The following ECSIT variants were observed in gnomAD, a reference collection of about 807,000 sequenced individuals.
The protein encoded by ECSIT is ECSIT signaling integrator.
A neutral mutation model predicts 36.8 loss-of-function variants in ECSIT; 29 were observed. That is an observed-to-expected ratio of 0.79 (90% CI 0.59 to 1.08). The LOEUF (loss-of-function observed/expected upper bound fraction) is 1.08. Ranked by LOEUF, ECSIT falls within the 50% of genes least tolerant of loss-of-function variation. The pLI, the probability that ECSIT is intolerant of heterozygous loss-of-function variation, is 0.00. For missense variants in ECSIT, 542 were observed against 581.0 expected (o/e 0.93, Z 0.69); for synonymous variants, 231 against 234.8 (o/e 0.98, Z 0.15).
intron 1 of ECSIT, among the ~76,000 whole-genome samples, chr19:11,526,291 A>G (rs1445682331): frequency 1.3e-5 from 2 of 152,124 alleles, no homozygotes; most frequent in African/African-American, 4.8e-5. Flanking sequence ...AGTCCCTGGT[A>G]TCTCCTGTGA....
chr19:11,522,346 A>G, intron 1 of ECSIT: 1 of 765,150 alleles, frequency 1.3e-6, no homozygotes, highest in South Asian at 1.4e-5. Flanking sequence ...CATCCAGATC[A>G]TGAAGATGGA....
rs1042304834 is a variant in ECSIT at position 11,515,362 on chromosome 19, C to CA, written c.97-1142dup. 9.0e-4 allele frequency among the ~76,000 whole-genome samples: 137 copies of CA among 152,130 alleles called. 1 individual carries two copies. The highest frequency in any genetic ancestry group is 2.6e-3 in the African/African-American group (106 of 41,516). ...TCGTGATCCGCCCGCCTTGGCCTCC[C>CA]AAGTGCTGGGATTACAGGCATGAGC... On this transcript the variant is annotated intron_variant, in intron 2 of 7. Coordinates refer to ENST00000270517, the MANE Select transcript of ECSIT (RefSeq NM_016581.5).
At chr19:11,521,985 A>G (rs1972114101) in intron 1 of ECSIT, 1 of 197,948 alleles carries the variant, frequency 5.1e-6, no homozygotes, top group Non-Finnish European at 1.0e-5. Context: ...CCTCGGGCAC[A>G]CTACAAGAGT....
At chr19:11,517,980 C>T (rs1203500916) in intron 2 of ECSIT, among the ~76,000 whole-genome samples, 1 of 152,000 alleles carries the variant, frequency 6.6e-6, no homozygotes, top group African/African-American at 2.4e-5. Context: ...ATCCCCTCAC[C>T]CACGTAGGCA....
At chr19:11,524,034 CACT>C (rs997553506) in intron 1 of ECSIT, among the ~76,000 whole-genome samples, 3 of 152,050 alleles carry the variant, frequency 2.0e-5, no homozygotes, top group Non-Finnish European at 4.4e-5. Flanking sequence ...ATCCTCCCAC[CACT>C]GCCTCCTGAG....
intron 1 of ECSIT, chr19:11,521,852 C>T (rs917725968): frequency 6.4e-6 from 1 of 156,310 alleles, no homozygotes; most frequent in Non-Finnish European, 1.4e-5. Flanking sequence ...AGGATAATCA[C>T]TTGAGGTCAA....
At chr19:11,522,717 A>T (rs951727941) in intron 1 of ECSIT, among the ~76,000 whole-genome samples, 1 of 150,346 alleles carries the variant, frequency 6.7e-6, no homozygotes, top group Non-Finnish European at 1.5e-5. Flanking sequence ...TGTCTCAAAA[A>T]AATTAATTAA....
At chr19:11,517,245 C>T (rs1387679460) in intron 2 of ECSIT, among the ~76,000 whole-genome samples, 2 of 150,936 alleles carry the variant, frequency 1.3e-5, no homozygotes, top group African/African-American at 4.9e-5. Context: ...GCGGTCCCCA[C>T]AGCCATCCCA....
At position 11,507,566 on chromosome 19, in the gene ECSIT, C is replaced by T. The variant is rs1011868049; in HGVS notation, c.946-4G>A. On this transcript the variant is annotated splice_polypyrimidine_tract_variant and splice_region_variant and intron_variant, in intron 6 of 7. Coordinates refer to ENST00000270517, the MANE Select transcript of ECSIT (RefSeq NM_016581.5). The stretch of plus-strand genomic sequence containing the variant: ...CCTCCGGCGTCTCTTCCACTTCCTA[C>T]TCCAAGGTGGGGAGTGCAGGCGGGG... 1 of 1,614,046 alleles carries T rather than the reference C, an allele frequency of 6.2e-7. No homozygotes were observed.
chr19:11,522,578 GT>G (rs1359739148), intron 1 of ECSIT: 1 of 631,710 alleles, frequency 1.6e-6, no homozygotes, highest in Non-Finnish European at 2.8e-6. Flanking sequence ...GCCAGTCATG[GT>G]GGTACATGCC....
intron 2 of ECSIT, among the ~76,000 whole-genome samples, chr19:11,516,650 C>T (rs1972003634): frequency 6.6e-6 from 1 of 150,866 alleles, no homozygotes; most frequent in Non-Finnish European, 1.5e-5. Context: ...AAAACCTTAT[C>T]TCTAAAAAAT....
At chr19:11,511,717 CATGA>C (rs2144973733) in intron 4 of ECSIT, among the ~76,000 whole-genome samples, 1 of 152,212 alleles carries the variant, frequency 6.6e-6, no homozygotes, top group South Asian at 2.1e-4. Context: ...GCTCTGCCTT[CATGA>C]ATGAGATTAG....
Position 11,519,474 on chromosome 19 carries a change from C to T in ECSIT, c.-23-281G>A, listed in dbSNP as rs149517623. Among the ~76,000 whole-genome samples the T allele has an allele frequency of 2.2e-4, 34 of 152,208 alleles. No homozygotes were observed. Among genetic ancestry groups the T allele is most frequent in the East Asian group, 7.7e-4 (4 of 5,174 alleles). ...AGCGTCGAGAAGCTGGGACTACAGACGCGTGCCACCATGCCCAGCTAATTT... is the reference window on the plus strand; with the variant it reads ...AGCGTCGAGAAGCTGGGACTACAGATGCGTGCCACCATGCCCAGCTAATTT... On this transcript the variant is annotated intron_variant, in intron 1 of 7. Transcript: ENST00000270517. The surrounding 1 kb of genome is among the most constrained non-coding windows in gnomAD (Gnocchi z 4.4).
In ECSIT at chr19:11,523,538, A is replaced by C; in HGVS notation, c.-23-4345T>G. 5 of 1,088,422 alleles carry C rather than the reference A, an allele frequency of 4.6e-6. No homozygotes were observed. In the South Asian group the frequency reaches 6.6e-5, roughly 14 times the overall value. 67.4% of individuals were successfully genotyped at this position (1,088,422 alleles called of 1,614,324 possible). ...CATCCACGATGGCCTAGCACGTGGA[A>C]TCTGTGAAGCTGCCAAAGCCTTAGA... On this transcript the variant is annotated intron_variant, in intron 1 of 7. Coordinates refer to ENST00000270517, the MANE Select transcript of ECSIT (RefSeq NM_016581.5).
Position 11,508,383 on chromosome 19 carries a change from A to ATTTTTTTTTTTTTTTTTTTTTTTT in ECSIT, c.739-336_739-335insAAAAAAAAAAAAAAAAAAAAAAAA, listed in dbSNP as rs34929827. On this transcript the variant is annotated intron_variant, in intron 4 of 7. Transcript: ENST00000270517. ...GGGATGATAACAGCACTTAATTCCG[A>ATTTTTTTTTTTTTTTTTTTTTTTT]TTTTTTTTTTTTTTTTAGGGATGGG... 5.6e-5 allele frequency among the ~76,000 whole-genome samples: 7 copies of ATTTTTTTTTTTTTTTTTTTTTTTT among 124,050 alleles called. No individual in the cohort carries two copies. The East Asian group carries it at 6.5e-4, about 12-fold the overall frequency. The allele number at this position is 124,050 out of a possible 152,430, so 81.4% of individuals were successfully genotyped here.
chr19:11,523,441 C>T (rs1025129642), intron 1 of ECSIT: 2 of 774,174 alleles, frequency 2.6e-6, no homozygotes, highest in Non-Finnish European at 4.2e-6. Context: ...CTGCCATGGC[C>T]GAGGGAGGCA....
chr19:11,511,475 A>C (rs1267599439), intron 4 of ECSIT, among the ~76,000 whole-genome samples: 1 of 152,170 alleles, frequency 6.6e-6, no homozygotes, highest in Non-Finnish European at 1.5e-5. Context: ...CATGAAGTCC[A>C]TGGGGAACAG....
chr19:11,517,038 T>TACC (rs1212263039), intron 2 of ECSIT, among the ~76,000 whole-genome samples: 1 of 151,832 alleles, frequency 6.6e-6, no homozygotes, highest in Non-Finnish European at 1.5e-5. Context: ...AGACAATATT[T>TACC]ACCAAATATT....
At chr19:11,512,778 A>G (rs1801898520) in intron 4 of ECSIT, among the ~76,000 whole-genome samples, 1 of 152,028 alleles carries the variant, frequency 6.6e-6, no homozygotes, top group South Asian at 2.1e-4. Context: ...CTGAAAAAAA[A>G]AAACAGTTTT....
Sources: allele counts gnomAD v4.1 joint callset (sites outside exome capture counted in the v4.1 genomes callset), GRCh38; gene constraint gnomAD v4.1.1; non-coding constraint Gnocchi (gnomAD v3.1); transcripts MANE v1.5; gene names NCBI Gene and HGNC (gene_info 2026-07-23, HGNC 2026-07-21).